Variants in SLC9A9 observed in about 807,000 individuals in gnomAD.
The protein encoded by SLC9A9 is solute carrier family 9 member A9, also known as sodium/hydrogen exchanger 9.
SLC9A9 carries 62 observed loss-of-function variants against 77.8 expected under a neutral mutation model. That is an observed-to-expected ratio of 0.80 (90% confidence interval 0.65 to 0.98). SLC9A9 has a LOEUF of 0.98. Among genes scored for constraint, SLC9A9 ranks in the 50% least tolerant of loss-of-function variants. SLC9A9 has a pLI of 0.00. For synonymous variants in SLC9A9, 320 were observed against 283.5 expected, an observed-to-expected ratio of 1.13 and a Z score of -1.29; for missense variants, 775 against 774.9, an observed-to-expected ratio of 1.00 and a Z score of 0.00.
intron 2 of SLC9A9, among the ~76,000 whole-genome samples, chr3:143,825,017 A>G (rs1283136323): frequency 2.0e-5 from 3 of 152,206 alleles, no homozygotes; most frequent in African/African-American, 7.2e-5. Flanking sequence ...GTCATGATAG[A>G]GAAACACAAA....
intron 12 of SLC9A9, among the ~76,000 whole-genome samples, chr3:143,435,656 A>T (rs2034609799): frequency 6.6e-6 from 1 of 152,144 alleles, no homozygotes; most frequent in African/African-American, 2.4e-5. Flanking sequence ...GGAATCAATG[A>T]CATCAAATTT....
chr3:143,689,391 G>T (rs1489039152), intron 5 of SLC9A9, among the ~76,000 whole-genome samples: 6 of 151,994 alleles, frequency 3.9e-5, no homozygotes, highest in Admixed American at 6.6e-5. Flanking sequence ...AAGATAATTA[G>T]AAAGATGATT....
At chr3:143,337,733 G>C (rs1190309998) in intron 14 of SLC9A9, among the ~76,000 whole-genome samples, 1 of 152,238 alleles carries the variant, frequency 6.6e-6, no homozygotes, top group African/African-American at 2.4e-5. Flanking sequence ...TTTAGAAGCA[G>C]CTTGGCAAAC....
intron 11 of SLC9A9, 89 bp from the exon 12 acceptor site, chr3:143,467,279 T>A (rs1324696154): frequency 5.6e-6 from 8 of 1,421,714 alleles, no homozygotes; most frequent in Admixed American, 1.9e-5. Context: ...GCTGACACAA[T>A]TTTTTTAAAT....
At chr3:143,802,289 A>C (rs920978517) in intron 2 of SLC9A9, among the ~76,000 whole-genome samples, 1 of 152,118 alleles carries the variant, frequency 6.6e-6, no homozygotes, top group Non-Finnish European at 1.5e-5. Flanking sequence ...GCCTCTTAGA[A>C]TCTCTAATTT....
At chr3:143,789,841 A>G (rs975461383) in intron 4 of SLC9A9, among the ~76,000 whole-genome samples, 1 of 152,184 alleles carries the variant, frequency 6.6e-6, no homozygotes, top group Non-Finnish European at 1.5e-5. Flanking sequence ...AAGAAGCCCA[A>G]TGAGAAATCA....
intron 11 of SLC9A9, among the ~76,000 whole-genome samples, chr3:143,482,305 C>T (rs949421797): frequency 3.3e-5 from 5 of 152,188 alleles, no homozygotes; most frequent in African/African-American, 1.2e-4. Context: ...ACATTAATAG[C>T]ACAGCTTGGC....
At chr3:143,748,744 C>A (rs59267877) in intron 4 of SLC9A9, among the ~76,000 whole-genome samples, 3 of 147,288 alleles carry the variant, frequency 2.0e-5, no homozygotes, top group African/African-American at 7.6e-5. Context: ...TCGCCCAGGC[C>A]GGACTGCGGA....
At chr3:143,269,722 T>C (rs1454427886) in intron 14 of SLC9A9, among the ~76,000 whole-genome samples, 1 of 152,236 alleles carries the variant, frequency 6.6e-6, no homozygotes, top group Non-Finnish European at 1.5e-5. Flanking sequence ...ATTTCAGCAT[T>C]CCATCAGAAA....
chr3:143,811,879 GA>G (rs2008876270), intron 2 of SLC9A9: 1 of 318,302 alleles, frequency 3.1e-6, no homozygotes, highest in South Asian at 2.4e-5. Flanking sequence ...AAAAAAAAAA[GA>G]AAAAGAAAAG....
At chr3:143,446,013 T>C (rs1295087745) in intron 12 of SLC9A9, among the ~76,000 whole-genome samples, 2 of 152,154 alleles carry the variant, frequency 1.3e-5, no homozygotes, top group Admixed American at 6.6e-5. Context: ...CTATGAATTA[T>C]AGCTCTTTTG....
intron 4 of SLC9A9, among the ~76,000 whole-genome samples, chr3:143,713,206 G>T (rs749565149): frequency 3.3e-5 from 5 of 152,220 alleles, no homozygotes; most frequent in African/African-American, 4.8e-5. Context: ...GGAGGGAAGA[G>T]AACTGTATCA....
At chr3:143,515,349 A>C (rs1206024653) in intron 9 of SLC9A9, among the ~76,000 whole-genome samples, 2 of 152,228 alleles carry the variant, frequency 1.3e-5, no homozygotes, top group Non-Finnish European at 2.9e-5. Flanking sequence ...TAAAATGAGC[A>C]CATGCTGCTG....
intron 6 of SLC9A9, chr3:143,620,516 G>A (rs904562468): frequency 1.3e-5 from 2 of 152,384 alleles, no homozygotes; most frequent in African/African-American, 4.8e-5. Context: ...ACAAGCACCA[G>A]GGAGCCCACG....
At chr3:143,607,241 T>C (rs1323112675) in intron 6 of SLC9A9, among the ~76,000 whole-genome samples, 3 of 152,134 alleles carry the variant, frequency 2.0e-5, no homozygotes, top group Non-Finnish European at 4.4e-5. Flanking sequence ...TAATTACTGC[T>C]AAATTACTAC....
Position 143,467,062 on chromosome 3 carries a change from G to C in SLC9A9, c.1444C>G (p.Pro482Ala), listed in dbSNP as rs371221229. The C allele has an allele frequency of 6.2e-7, 1 of 1,613,808 alleles. No individual in the cohort carries two copies. Among genetic ancestry groups the C allele is most frequent in the Non-Finnish European group, 8.5e-7 (1 of 1,179,938 alleles). Residue 482 changes from proline to alanine, a missense_variant, in exon 12 of 16, where the codon CCC (proline) becomes GCC (alanine). Pro to Ala is a conservative substitution (Grantham distance 27). Transcript: ENST00000316549. ...TVWVFGGGTT[P>A]MLTWLQIRVG... The stretch of plus-strand genomic sequence containing the variant: ...CTGATCTGAAGCCAAGTCAACATGG[G>C]GGTTGTTCCTCCTCCAAATACCCAG...
At position 143,801,510 on chromosome 3, in the gene SLC9A9, C is replaced by G. The variant is rs143438177; in HGVS notation, c.379-4607G>C. On this transcript the variant is annotated intron_variant, in intron 2 of 15. Transcript: ENST00000316549. ...CCATTACCATTGTTCCTGGCCCAGA[C>G]TTCAATCCAGCCTCCCACATTATTC... Among the ~76,000 whole-genome samples, 970 of 152,302 alleles carry G rather than the reference C, an allele frequency of 6.4e-3. 7 individuals are homozygous for G. Among genetic ancestry groups the G allele is most frequent in the African/African-American group, 0.023 (939 of 41,558 alleles).
At chr3:143,530,388 G>A (rs941585175) in intron 9 of SLC9A9, among the ~76,000 whole-genome samples, 10 of 152,016 alleles carry the variant, frequency 6.6e-5, no homozygotes, top group Non-Finnish European at 1.3e-4. Flanking sequence ...AACCCCTTTC[G>A]CTTGGCTATC....
At chr3:143,453,338 T>C (rs2035039013) in intron 12 of SLC9A9, among the ~76,000 whole-genome samples, 1 of 152,124 alleles carries the variant, frequency 6.6e-6, no homozygotes, top group Non-Finnish European at 1.5e-5. Context: ...GAAAAGCCTT[T>C]AGTTCATGTT....
Sources: allele counts gnomAD v4.1 joint callset (sites outside exome capture counted in the v4.1 genomes callset), GRCh38; gene constraint gnomAD v4.1.1; transcripts MANE v1.5; gene names NCBI Gene and HGNC (gene_info 2026-07-23, HGNC 2026-07-21).